The following LDLRAD4 variants were observed in gnomAD, a reference collection of about 807,000 sequenced individuals.
LDLRAD4 encodes the protein low density lipoprotein receptor class A domain containing 4, also known as low-density lipoprotein receptor class A domain-containing protein 4.
Under a neutral mutation model 17.0 loss-of-function variants are expected in LDLRAD4, and 5 were observed. The ratio of observed to expected loss-of-function variants is 0.29; its 90% CI spans 0.15 to 0.62. The LOEUF is 0.62. Among genes scored for constraint, LDLRAD4 ranks in the 20% least tolerant of loss-of-function variants. The pLI, the probability that LDLRAD4 is intolerant of heterozygous loss-of-function variation, is 0.84. For missense variants in LDLRAD4, 340 were observed against 424.7 expected (o/e 0.80, Z 1.75); for synonymous variants, 168 against 171.8 (o/e 0.98, Z 0.17).
chr18:13,434,666 A>T (rs76186897), intron 2 of LDLRAD4, among the ~76,000 whole-genome samples: 2,519 of 152,330 alleles, frequency 0.017, 28 homozygotes, highest in Middle Eastern at 0.051. Flanking sequence ...TCAAAACTAC[A>T]TTGGTTCCAA....
intron 3 of LDLRAD4, among the ~76,000 whole-genome samples, chr18:13,529,495 T>C (rs2094093897): frequency 6.6e-6 from 1 of 152,192 alleles, no homozygotes; most frequent in South Asian, 2.1e-4. Flanking sequence ...GCAAGACTTT[T>C]AGAAAGCCCT....
At chr18:13,473,760 T>C (rs1436172233) in intron 3 of LDLRAD4, among the ~76,000 whole-genome samples, 1 of 148,664 alleles carries the variant, frequency 6.7e-6, no homozygotes, top group Non-Finnish European at 1.5e-5. Flanking sequence ...TTCAAACACT[T>C]TCTTTTTGAG....
At chr18:13,269,284 A>G (rs947494057) in intron 1 of LDLRAD4, among the ~76,000 whole-genome samples, 6 of 152,226 alleles carry the variant, frequency 3.9e-5, no homozygotes, top group African/African-American at 1.4e-4. Context: ...TTCAATGCCA[A>G]TGGTTATTTT....
At chr18:13,318,069 G>C (rs1046587278) in intron 1 of LDLRAD4, among the ~76,000 whole-genome samples, 7 of 151,924 alleles carry the variant, frequency 4.6e-5, no homozygotes, top group Admixed American at 4.6e-4. Context: ...CCACTCGTCC[G>C]GTCCCTCGCT....
rs534451244 is a variant in LDLRAD4, at chr18:13,245,293, G to A, written c.-467+26305G>A. Among the ~76,000 whole-genome samples the A allele has an allele frequency of 9.2e-5, 14 of 152,318 alleles. No homozygotes were observed. In the South Asian group the frequency reaches 2.9e-3, roughly 32 times the overall value. The stretch of plus-strand genomic sequence containing the variant: ...TCAGTATCAGAAATAATGGGGAGAC[G>A]AGGTGAGACAGGCACGTGAGGGCAG... On this transcript the variant is annotated intron_variant, in intron 1 of 5. Transcript: ENST00000399848.
chr18:13,579,746 T>G (rs559779910), intron 3 of LDLRAD4, among the ~76,000 whole-genome samples: 38 of 152,346 alleles, frequency 2.5e-4, no homozygotes, highest in Non-Finnish European at 4.9e-4. Flanking sequence ...TTAAAGAGAC[T>G]GTTGCAAGTT....
chr18:13,588,946 T>TC (rs995755549), intron 3 of LDLRAD4, among the ~76,000 whole-genome samples: 1 of 144,660 alleles, frequency 6.9e-6, no homozygotes, highest in African/African-American at 2.5e-5. Flanking sequence ...TTTTTTTTTT[T>TC]GAGACAGAGT....
intron 3 of LDLRAD4, among the ~76,000 whole-genome samples, chr18:13,499,468 C>T (rs1243438852): frequency 6.7e-6 from 1 of 150,298 alleles, no homozygotes; most frequent in Admixed American, 6.6e-5. Context: ...TCCTTCTACT[C>T]ACACACGTCC....
At chr18:13,616,945 A>G (rs538704069) in intron 3 of LDLRAD4, among the ~76,000 whole-genome samples, 2 of 152,258 alleles carry the variant, frequency 1.3e-5, no homozygotes, top group South Asian at 2.1e-4. Flanking sequence ...ACGCTCATCC[A>G]TGTGCTGTAG....
chr18:13,276,260 G>A (rs879558618), upstream of LDLRAD4, among the ~76,000 whole-genome samples: 2 of 151,960 alleles, frequency 1.3e-5, no homozygotes, highest in African/African-American at 4.8e-5. Context: ...CACCCGCCTC[G>A]GCCTCACAAA....
At chr18:13,340,114 G>A (rs183692332) in intron 1 of LDLRAD4, among the ~76,000 whole-genome samples, 1 of 152,204 alleles carries the variant, frequency 6.6e-6, no homozygotes, top group East Asian at 1.9e-4. Flanking sequence ...CCTTTTTAAG[G>A]CTGAATGAAA....
intron 1 of LDLRAD4, among the ~76,000 whole-genome samples, chr18:13,259,446 G>A (rs2043686519): frequency 6.6e-6 from 1 of 152,168 alleles, no homozygotes; most frequent in Non-Finnish European, 1.5e-5. Context: ...AAAGTGCTGG[G>A]ATTATAGGCG....
intron 3 of LDLRAD4, among the ~76,000 whole-genome samples, chr18:13,590,418 A>G (rs561417915): frequency 6.6e-6 from 1 of 152,256 alleles, no homozygotes; most frequent in South Asian, 2.1e-4. Flanking sequence ...CATACGTAGC[A>G]GAAAATCAAA....
chr18:13,328,324 G>A lies in LDLRAD4; in HGVS notation c.-383+50136G>A, dbSNP rs374737973. Among the ~76,000 whole-genome samples the A allele has an allele frequency of 1.4e-4, 22 of 152,328 alleles. No individual in the cohort carries two copies. The South Asian group carries it at 4.6e-3, about 32-fold the overall frequency. On this transcript the variant is annotated intron_variant, in intron 1 of 5. Coordinates refer to ENST00000359446, the Ensembl canonical transcript of LDLRAD4. ...CACAGACAGAGAGGCATGAAGCTCA[G>A]TGTGCATGTGCCTGTTTCTCCTTTC...
intron 3 of LDLRAD4, among the ~76,000 whole-genome samples, chr18:13,548,530 G>A (rs999632532): frequency 7.9e-5 from 12 of 152,356 alleles, no homozygotes; most frequent in African/African-American, 2.2e-4. Flanking sequence ...TGGTCAGGTC[G>A]TAATAGTGCC....
At chr18:13,277,307 C>T (rs1339120195), upstream of LDLRAD4, among the ~76,000 whole-genome samples, 3 of 152,136 alleles carry the variant, frequency 2.0e-5, no homozygotes, top group South Asian at 2.1e-4. Context: ...CACTGGAGGG[C>T]GGGGTGCTGA....
At chr18:13,400,513 TGCAGTCCGTGCACACATGA>T (rs1273829856) in intron 2 of LDLRAD4, among the ~76,000 whole-genome samples, 1 of 152,144 alleles carries the variant, frequency 6.6e-6, no homozygotes, top group Non-Finnish European at 1.5e-5. Context: ...CTTCTCTTTG[TGCAGTCCGTGCACACATGA>T]GCAGCCCTGA....
At chr18:13,391,957 GTTTTCACCC>G (rs1218559224) in intron 2 of LDLRAD4, among the ~76,000 whole-genome samples, 2 of 152,152 alleles carry the variant, frequency 1.3e-5, no homozygotes, top group Non-Finnish European at 2.9e-5. Context: ...CTTTTTGACG[GTTTTCACCC>G]TTATGAATAA....
At chr18:13,523,495 G>C (rs147049498) in intron 3 of LDLRAD4, among the ~76,000 whole-genome samples, 1 of 152,324 alleles carries the variant, frequency 6.6e-6, no homozygotes, top group Admixed American at 6.5e-5. Context: ...CCTGGGATGA[G>C]AGTGCAGCCC....
Sources: gnomAD v4.1 joint callset for allele counts (sites outside exome capture counted in the v4.1 genomes callset) on GRCh38, gnomAD v4.1.1 for gene constraint, MANE v1.5 for transcripts, NCBI Gene and HGNC (gene_info 2026-07-23, HGNC 2026-07-21) for gene names.